Variants in KHDRBS2 observed in about 807,000 individuals in gnomAD.
KHDRBS2 encodes the protein KH RNA binding domain containing, signal transduction associated 2.
Under a neutral mutation model 44.3 loss-of-function variants are expected in KHDRBS2, and 26 were observed. The ratio of observed to expected loss-of-function variants is 0.59; its 90% CI spans 0.43 to 0.81. KHDRBS2 has a LOEUF of 0.81. KHDRBS2 is among the 40% of genes least tolerant of loss of function. KHDRBS2 has a pLI of 0.00. For missense variants in KHDRBS2, 476 were observed against 433.1 expected, an observed-to-expected ratio of 1.10 and a Z score of -0.88; for synonymous variants, 194 against 151.1, an observed-to-expected ratio of 1.28 and a Z score of -2.08.
chr6:61,914,000 G>T (rs773078854), intron 4 of KHDRBS2, among the ~76,000 whole-genome samples: 1 of 152,050 alleles, frequency 6.6e-6, no homozygotes, highest in African/African-American at 2.4e-5. Flanking sequence ...ATAACAGAAG[G>T]CCTAAGGAAT....
At chr6:61,977,433 T>C (rs1772903233) in intron 4 of KHDRBS2, among the ~76,000 whole-genome samples, 1 of 152,190 alleles carries the variant, frequency 6.6e-6, no homozygotes. Flanking sequence ...TCTACCAGTA[T>C]GCAACCCTGA....
At chr6:61,894,955 CTCTGTG>C (rs1219460417) in intron 5 of KHDRBS2, 122 bp from the exon 6 acceptor site, 3 of 635,804 alleles carry the variant, frequency 4.7e-6, no homozygotes, top group African/African-American at 1.8e-5. Context: ...CTCTCTCTCT[CTCTGTG>C]TGTGTGTGTG....
the KHDRBS2 span, among the ~76,000 whole-genome samples, chr6:61,562,214 G>A: frequency 3.5e-4 from 54 of 152,168 alleles, no homozygotes; most frequent in Admixed American, 9.8e-4. Context: ...AAGATGTGAT[G>A]TTTATCCTAA....
the KHDRBS2 span, among the ~76,000 whole-genome samples, chr6:61,593,908 T>C: frequency 3.4e-3 from 525 of 152,232 alleles, 4 homozygotes; most frequent in African/African-American, 0.012. Context: ...ATTGGCTTTA[T>C]AAAGTCAAGC....
At chr6:61,842,135 G>T (rs2127272997) in intron 6 of KHDRBS2, among the ~76,000 whole-genome samples, 1 of 152,218 alleles carries the variant, frequency 6.6e-6, no homozygotes, top group East Asian at 1.9e-4. Context: ...GATCTTAACT[G>T]AAAGCAATGT....
intron 1 of KHDRBS2, among the ~76,000 whole-genome samples, chr6:62,254,847 G>C (rs998312035): frequency 6.6e-6 from 1 of 151,966 alleles, no homozygotes; most frequent in South Asian, 2.1e-4. Flanking sequence ...AATGGATTAC[G>C]GAGGGATTAT....
At chr6:62,221,570 C>CAA (rs909100721) in intron 1 of KHDRBS2, among the ~76,000 whole-genome samples, 4 of 150,726 alleles carry the variant, frequency 2.7e-5, no homozygotes, top group Non-Finnish European at 4.4e-5. Context: ...AACTTATATG[C>CAA]AAAAAAAAAT....
chr6:61,798,126 T>A (rs1189662944), intron 6 of KHDRBS2, among the ~76,000 whole-genome samples: 1 of 152,146 alleles, frequency 6.6e-6, no homozygotes, highest in Non-Finnish European at 1.5e-5. Context: ...GCTATTTGGT[T>A]TTCTGTTCTG....
intron 6 of KHDRBS2, among the ~76,000 whole-genome samples, chr6:61,807,799 G>T (rs1447683620): frequency 6.6e-6 from 1 of 151,912 alleles, no homozygotes; most frequent in Non-Finnish European, 1.5e-5. Context: ...TAACAAAGCT[G>T]CACATGTACC....
chr6:62,213,314 C>G (rs1464641154), intron 1 of KHDRBS2, among the ~76,000 whole-genome samples: 1 of 151,110 alleles, frequency 6.6e-6, no homozygotes, highest in Admixed American at 6.6e-5. Flanking sequence ...TTTTATGTCC[C>G]GAGATTGAGG....
downstream of KHDRBS2, among the ~76,000 whole-genome samples, chr6:61,675,702 C>A (rs1490422407): frequency 1.3e-5 from 2 of 151,484 alleles, no homozygotes; most frequent in Non-Finnish European, 3.0e-5. Flanking sequence ...CTTTTTGTTG[C>A]CCAGATATTA....
At position 61,924,931 on chromosome 6, in the gene KHDRBS2, G is replaced by A. The variant is rs965158633; in HGVS notation, c.484-23560C>T. ...TCTTTGGCTTTACGTTTGTAATTGG[G>A]TAGGGTGGTCGGACATTCATAGGTT... On this transcript the variant is annotated intron_variant, in intron 4 of 8. Coordinates refer to ENST00000281156, the MANE Select transcript of KHDRBS2 (RefSeq NM_152688.4). 3.3e-5 allele frequency among the ~76,000 whole-genome samples: 5 copies of A among 152,072 alleles called. No homozygotes were observed. In the South Asian group the frequency reaches 6.2e-4, roughly 19 times the overall value.
At chr6:61,670,562 ATTAT>A in the KHDRBS2 span, among the ~76,000 whole-genome samples, 1 of 151,486 alleles carries the variant, frequency 6.6e-6, no homozygotes, top group East Asian at 2.0e-4. Context: ...GCAACATATA[ATTAT>A]AATTTTCCCT....
chr6:61,681,139 C>A, intron 8 of KHDRBS2, 79 bp from the exon 9 acceptor site: 1 of 968,590 alleles, frequency 1.0e-6, no homozygotes, highest in South Asian at 1.4e-5. Flanking sequence ...CAATAGTTGA[C>A]CGAGAAAAAG....
At chr6:61,925,846 A>G (rs1321793812) in intron 4 of KHDRBS2, among the ~76,000 whole-genome samples, 2 of 152,170 alleles carry the variant, frequency 1.3e-5, no homozygotes, top group Non-Finnish European at 1.5e-5. Context: ...TTGTGCTGCA[A>G]TAGTAACAGA....
chr6:61,904,018 T>C (rs1221392487), intron 4 of KHDRBS2, among the ~76,000 whole-genome samples: 6 of 152,168 alleles, frequency 3.9e-5, no homozygotes, highest in South Asian at 4.1e-4. Flanking sequence ...CTAGTAAGTA[T>C]TGCGGTGGTT....
intron 1 of KHDRBS2, among the ~76,000 whole-genome samples, chr6:62,249,141 T>C (rs1322936188): frequency 6.6e-6 from 1 of 152,096 alleles, no homozygotes; most frequent in Non-Finnish European, 1.5e-5. Context: ...TATAAATTCT[T>C]TGAAGTAATT....
intron 2 of KHDRBS2, among the ~76,000 whole-genome samples, chr6:62,131,580 G>A (rs1810330692): frequency 6.6e-6 from 1 of 152,278 alleles, no homozygotes; most frequent in South Asian, 2.1e-4. Context: ...ATGAAACATA[G>A]ACATTCTAAG....
the KHDRBS2 span, among the ~76,000 whole-genome samples, chr6:61,568,351 G>A: frequency 2.0e-5 from 3 of 152,062 alleles, no homozygotes; most frequent in Non-Finnish European, 2.9e-5. Context: ...ATGAATTTTA[G>A]GATGTTTTTT....
Sources: allele counts gnomAD v4.1 joint callset (sites outside exome capture counted in the v4.1 genomes callset), GRCh38; gene constraint gnomAD v4.1.1; transcripts MANE v1.5; gene names NCBI Gene and HGNC (gene_info 2026-07-23, HGNC 2026-07-21).